FAM193A: variants seen among roughly 807,000 people sequenced by gnomAD.
FAM193A encodes protein FAM193A.
A neutral mutation model predicts 126.5 loss-of-function variants in FAM193A; 22 were observed. The ratio of observed to expected loss-of-function variants is 0.17; its 90% CI spans 0.12 to 0.25. FAM193A has a LOEUF of 0.25. FAM193A is among the 10% of genes least tolerant of loss of function. FAM193A has a pLI of 1.00. For synonymous variants in FAM193A, 761 were observed against 646.8 expected (o/e 1.18, Z -2.68); for missense variants, 1,675 against 1,672.8 (o/e 1.00, Z -0.02).
intron 1 of FAM193A, among the ~76,000 whole-genome samples, chr4:2,585,520 C>A (rs1230997496): frequency 2.6e-5 from 4 of 152,214 alleles, no homozygotes; most frequent in African/African-American, 9.6e-5. Flanking sequence ...AGAACCCGTT[C>A]AAGTCTTTTG....
In FAM193A at chr4:2,622,257, CAAAAAAAAAAAAA is replaced by C. The variant is rs71178493; in HGVS notation, c.502-2991_502-2979del. Among the ~76,000 whole-genome samples the C allele has an allele frequency of 4.1e-4, 23 of 55,576 alleles. No homozygotes were observed. In the South Asian group the frequency reaches 9.7e-3, roughly 24 times the overall value. 36.5% of individuals were successfully genotyped at this position (55,576 alleles called of 152,430 possible). On this transcript the variant is annotated intron_variant, in intron 2 of 20. Transcript: ENST00000637812. ...GGGTGATAGAGCGAGACCCTGTCTC[CAAAAAAAAAAAAA>C]AAAAAAAAAAAAACCTAAATGTCTC...
Position 2,636,253 on chromosome 4 carries a change from C to T in FAM193A, c.1039-3482C>T, listed in dbSNP as rs544905781. Among the ~76,000 whole-genome samples the T allele has an allele frequency of 3.9e-3, 591 of 151,736 alleles. 3 individuals carry two copies. Among genetic ancestry groups the T allele is most frequent in the Non-Finnish European group, 6.8e-3 (459 of 67,904 alleles). On this transcript the variant is annotated intron_variant, in intron 5 of 20. Coordinates refer to ENST00000637812, the MANE Select transcript of FAM193A (RefSeq NM_001366318.2). ...TAATTTTTTGTATTTTTAGTAGAGT[C>T]GGGGTTTCACTGTGTTAGCCAGGAT...
intron 3 of FAM193A, 37 bp downstream of exon 3, chr4:2,625,432 C>A: frequency 2.9e-6 from 2 of 678,446 alleles, no homozygotes; most frequent in Non-Finnish European, 5.4e-6. Flanking sequence ...CACACCTGTC[C>A]ACAATGACAT....
chr4:2,553,689 A>C (rs1738086686), intron 1 of FAM193A, among the ~76,000 whole-genome samples: 1 of 151,952 alleles, frequency 6.6e-6, no homozygotes, highest in African/African-American at 2.4e-5. Context: ...CAGTTTATTT[A>C]GAAGTTGGTA....
intron 13 of FAM193A, among the ~76,000 whole-genome samples, chr4:2,681,608 C>G (rs1181311036): frequency 6.6e-6 from 1 of 151,924 alleles, no homozygotes; most frequent in Non-Finnish European, 1.5e-5. Context: ...GCCACCATGC[C>G]CAGCTATCTA....
intron 18 of FAM193A, among the ~76,000 whole-genome samples, chr4:2,699,334 G>A (rs530834216): frequency 3.6e-4 from 55 of 152,192 alleles, no homozygotes; most frequent in African/African-American, 1.2e-3. Flanking sequence ...CACCTGTGAG[G>A]GGGTAGCTGA....
chr4:2,703,066 T>C (rs1717917913), intron 19 of FAM193A, among the ~76,000 whole-genome samples: 1 of 152,152 alleles, frequency 6.6e-6, no homozygotes, highest in African/African-American at 2.4e-5. Flanking sequence ...ATTATAGACA[T>C]AATAGTGACT....
chr4:2,610,482 C>G (rs1020812223), intron 2 of FAM193A, among the ~76,000 whole-genome samples: 2 of 152,188 alleles, frequency 1.3e-5, no homozygotes, highest in Non-Finnish European at 2.9e-5. Context: ...TGGAACTACT[C>G]AAAATTGCCA....
intron 4 of FAM193A, 49 bp downstream of exon 4, chr4:2,626,626 C>G (rs1330614904): frequency 3.0e-6 from 2 of 665,638 alleles, no homozygotes; most frequent in Non-Finnish European, 5.6e-6. Context: ...CCCTGCCCTC[C>G]CTGCTGCACT....
intron 7 of FAM193A, 90 bp from the exon 8 acceptor site, chr4:2,657,708 CATTTT>C: frequency 1.3e-6 from 1 of 744,552 alleles, no homozygotes; most frequent in Non-Finnish European, 2.3e-6. Flanking sequence ...TCATATATAT[CATTTT>C]AAGAAAGTCT....
intron 1 of FAM193A, among the ~76,000 whole-genome samples, chr4:2,566,666 GGA>G (rs1190241833): frequency 6.6e-6 from 1 of 151,860 alleles, no homozygotes; most frequent in Non-Finnish European, 1.5e-5. Flanking sequence ...CCAGCCTGGG[GGA>G]CAGAGTGAGA....
chr4:2,685,080 G>A (rs1478262612), intron 13 of FAM193A, among the ~76,000 whole-genome samples: 3 of 152,216 alleles, frequency 2.0e-5, no homozygotes, highest in Admixed American at 6.5e-5. Context: ...AACAGTTGGT[G>A]TACTAAGAAA....
chr4:2,710,043 A>G (rs186404758), intron 19 of FAM193A, among the ~76,000 whole-genome samples: 1 of 150,672 alleles, frequency 6.6e-6, no homozygotes, highest in East Asian at 2.0e-4. Flanking sequence ...TTCGCCTGTC[A>G]TTTCTTAGTT....
At chr4:2,626,848 A>G (rs922366341) in intron 4 of FAM193A, among the ~76,000 whole-genome samples, 1 of 152,182 alleles carries the variant, frequency 6.6e-6, no homozygotes, top group African/African-American at 2.4e-5. Flanking sequence ...GACTGATAAT[A>G]ATACCTTCCT....
intron 2 of FAM193A, among the ~76,000 whole-genome samples, chr4:2,619,824 G>C (rs1577083102): frequency 6.6e-6 from 1 of 152,262 alleles, no homozygotes; most frequent in South Asian, 2.1e-4. Context: ...TCGAGTGGCT[G>C]GGATTGCAGG....
intron 1 of FAM193A, among the ~76,000 whole-genome samples, chr4:2,549,388 T>C (rs1267674334): frequency 6.8e-6 from 1 of 147,310 alleles, no homozygotes; most frequent in Non-Finnish European, 1.5e-5. Flanking sequence ...CTATGTTTTC[T>C]TTTTTTCTTT....
intron 10 of FAM193A, among the ~76,000 whole-genome samples, chr4:2,662,507 G>A (rs1712579645): frequency 6.6e-6 from 1 of 152,206 alleles, no homozygotes; most frequent in South Asian, 2.1e-4. Context: ...GTAGCAGAGA[G>A]ACTAGTTTTA....
chr4:2,542,110 G>A (rs1273857742), intron 1 of FAM193A, among the ~76,000 whole-genome samples: 1 of 151,762 alleles, frequency 6.6e-6, no homozygotes, highest in African/African-American at 2.4e-5. Context: ...CCGCCTCCTG[G>A]GTTCAAGTGA....
intron 2 of FAM193A, among the ~76,000 whole-genome samples, chr4:2,605,354 G>C (rs529628531): frequency 8.5e-5 from 13 of 152,176 alleles, no homozygotes; most frequent in Non-Finnish European, 1.9e-4. Flanking sequence ...AAATACTGTA[G>C]TACAGTTTTC....
Sources: allele counts gnomAD v4.1 joint callset (sites outside exome capture counted in the v4.1 genomes callset), GRCh38; gene constraint gnomAD v4.1.1; transcripts MANE v1.5; gene names NCBI Gene and HGNC (gene_info 2026-07-23, HGNC 2026-07-21).